The following BSG variants were observed in gnomAD, a reference collection of about 807,000 sequenced individuals.
BSG encodes basigin (Ok blood group).
BSG carries 37 observed loss-of-function variants against 43.1 expected under a neutral mutation model. That is an observed-to-expected ratio of 0.86 (90% CI 0.66 to 1.13). BSG has a LOEUF of 1.13. Among genes scored for constraint, BSG ranks in the 50% most tolerant of loss-of-function variants. The probability of loss-of-function intolerance (pLI) is 0.00; values close to 1 mark genes in which losing one functional copy is unlikely to be tolerated. For missense variants in BSG, 599 were observed against 554.2 expected (o/e 1.08, Z -0.81); for synonymous variants, 309 against 238.7 (o/e 1.29, Z -2.72).
At chr19:572,996 G>C (rs932950195) in intron 1 of BSG, among the ~76,000 whole-genome samples, 1 of 152,172 alleles carries the variant, frequency 6.6e-6, no homozygotes, top group Non-Finnish European at 1.5e-5. Context: ...GCGGGAGCCA[G>C]GGGGTCCTGG....
At chr19:581,671 C>T in intron 6 of BSG, 80 bp downstream of exon 6, 1 of 1,455,518 alleles carries the variant, frequency 6.9e-7, no homozygotes, top group Non-Finnish European at 9.1e-7. Flanking sequence ...CTGCCAGCCC[C>T]ACCGCTGACC....
chr19:582,817 A>G lies in BSG; in HGVS notation c.*73A>G. ...GGAGTCCACTCCCAGTGCTTGCAAGATTCCAAGTTCTCACCTCTTAAAGAA... is the reference window on the plus strand; with the variant it reads ...GGAGTCCACTCCCAGTGCTTGCAAGGTTCCAAGTTCTCACCTCTTAAAGAA... On this transcript the variant is annotated 3_prime_UTR_variant, in exon 9 of 9. Transcript: ENST00000333511. 3.5e-6 allele frequency: 2 copies of G among 574,574 alleles called. No homozygotes were observed. Among genetic ancestry groups the G allele is most frequent in the South Asian group, 4.4e-5 (2 of 45,888 alleles). The allele number at this position is 574,574 out of a possible 1,614,324, so 35.6% of individuals were successfully genotyped here.
intron 1 of BSG, among the ~76,000 whole-genome samples, chr19:576,906 C>T (rs763306713): frequency 2.0e-5 from 3 of 152,182 alleles, no homozygotes; most frequent in African/African-American, 4.8e-5. Flanking sequence ...GCCTCGGAGC[C>T]GTGTGCACGC....
At chr19:571,892 G>A (rs1463709071), upstream of BSG, 3 of 418,088 alleles carry the variant, frequency 7.2e-6, no homozygotes, top group East Asian at 9.0e-5. Context: ...AGAAGAAGGG[G>A]GTAAGGTTGA....
chr19:572,699 C>T lies in BSG; in HGVS notation c.65C>T (p.Ala22Val). The change falls in exon 1 of 9, where the codon GCT becomes GTT. Residue 22 changes from alanine to valine, a missense_variant and splice_region_variant. Ala to Val is a moderately conservative substitution (Grantham distance 64). Coordinates refer to ENST00000333511, the MANE Select transcript of BSG (RefSeq NM_001728.4). ...CTGGGCACCCACGGAGCCTCCGGGG[C>T]TGGTGAGGAGCGGGTAGGGGGCGGG... is the stretch of plus-strand genomic sequence containing the variant. ...ALLGTHGASG[A>V]AGFVQAPLSQ... 1.4e-6 allele frequency: 2 copies of T among 1,481,022 alleles called. No individual in the cohort carries two copies. Among genetic ancestry groups the T allele is most frequent in the Non-Finnish European group, 1.8e-6 (2 of 1,110,196 alleles). The allele number at this position is 1,481,022 out of a possible 1,614,324, so 91.7% of individuals were successfully genotyped here. A position where few individuals can be genotyped will look rare whatever the true frequency, so the allele number is the denominator to read the frequency against.
At chr19:572,363 T>A, upstream of BSG, 1 of 1,081,910 alleles carries the variant, frequency 9.2e-7, no homozygotes, top group Non-Finnish European at 1.1e-6. Flanking sequence ...TCCAGCCGCG[T>A]CCCCGCAGGC....
At chr19:578,207 A>G in intron 2 of BSG, 86 bp downstream of exon 2, 1 of 1,293,296 alleles carries the variant, frequency 7.7e-7, no homozygotes, top group Non-Finnish European at 1.0e-6. Context: ...TAGAACCCAG[A>G]CGCCTCCTCC....
Position 579,506 on chromosome 19 carries a change from C to G in BSG, c.422C>G (p.Thr141Arg). The G allele has an allele frequency of 6.2e-7, 1 of 1,612,674 alleles. No individual in the cohort carries two copies. The highest frequency in any genetic ancestry group is 2.2e-5 in the East Asian group (1 of 44,880). Reference sequence around the variant, plus strand: ...GTCTCGCCGGGCCTTGCAGCCGGCACAGTCTTCACTACCGTAGAAGACCTT... The same window carrying G: ...GTCTCGCCGGGCCTTGCAGCCGGCAGAGTCTTCACTACCGTAGAAGACCTT... ...QAVVLVLEPG[T>R]VFTTVEDLGS... Residue 141 changes from threonine to arginine, a missense_variant, in exon 3 of 9, where the codon ACA becomes AGA. Coordinates refer to ENST00000333511, the MANE Select transcript of BSG (RefSeq NM_001728.4).
At chr19:578,146 C>T (rs1383021793) in intron 2 of BSG, 25 bp downstream of exon 2, 18 of 1,506,598 alleles carry the variant, frequency 1.2e-5, no homozygotes, top group Admixed American at 2.1e-5. Context: ...CCTCCCTCCC[C>T]GCCTCCCTCA....
rs147298343 is a variant in BSG, at chr19:576,552, G to C, written c.68-1222G>C. On this transcript the variant is annotated intron_variant, in intron 1 of 8. Transcript: ENST00000333511. ...CCAAGAGGGTGGATCACGAGGTCAG[G>C]GGTTCAATACCAGCCTGGCCAAAAT... Among the ~76,000 whole-genome samples, 666 of 152,300 alleles carry C rather than the reference G, an allele frequency of 4.4e-3. 2 individuals carry two copies. Among genetic ancestry groups the C allele is most frequent in the African/African-American group, 0.014 (588 of 41,554 alleles).
At position 582,563 on chromosome 19, in the gene BSG, A is replaced by G; in HGVS notation, c.1144A>G (p.Arg382Gly). The change falls in exon 8 of 9, where the codon AGG becomes GGG. Residue 382 changes from arginine to glycine, a missense_variant. Coordinates refer to ENST00000333511, the MANE Select transcript of BSG (RefSeq NM_001728.4). ...TGACAAAGGCAAGAACGTCCGCCAG[A>G]GGAACTCTTCCTGAGGCAGGTGCGG... ...QNDKGKNVRQ[R>G]NSS is the part of the protein sequence containing the mutation. 6.8e-7 allele frequency: 1 copy of G among 1,473,304 alleles called. No individual in the cohort carries two copies. Among genetic ancestry groups the G allele is most frequent in the Non-Finnish European group, 9.1e-7 (1 of 1,096,386 alleles). 91.3% of individuals were successfully genotyped at this position (1,473,304 alleles called of 1,614,324 possible).
At chr19:577,499 G>T (rs1981878372) in intron 1 of BSG, among the ~76,000 whole-genome samples, 1 of 152,202 alleles carries the variant, frequency 6.6e-6, no homozygotes, top group South Asian at 2.1e-4. Context: ...CTTCTGCCCA[G>T]TTTCATGTGT....
Position 577,834 on chromosome 19 carries a change from A to G in BSG, c.128A>G (p.His43Arg). 1 of 1,506,856 alleles carries G rather than the reference A, an allele frequency of 6.6e-7. No individual in the cohort carries two copies. The highest frequency in any genetic ancestry group is 8.9e-7 in the Non-Finnish European group (1 of 1,119,764). 93.3% of individuals were successfully genotyped at this position (1,506,856 alleles called of 1,614,324 possible). A position where few individuals can be genotyped will look rare whatever the true frequency, so the allele number is the denominator to read the frequency against. The change falls in exon 2 of 9, where the codon CAC becomes CGC. Residue 43 changes from histidine (H) to arginine (R), a missense_variant. Coordinates refer to ENST00000333511, the MANE Select transcript of BSG (RefSeq NM_001728.4). ...TGGGTGGGGGGCAGTGTGGAGCTGC[A>G]CTGCGAGGCCGTGGGCAGCCCGGTG... is the stretch of plus-strand genomic sequence containing the variant. ...QRWVGGSVELHCEAVGSPVPE... is the reference protein window; with the variant it reads ...QRWVGGSVELRCEAVGSPVPE...
At chr19:574,383 C>T (rs1218965768) in intron 1 of BSG, among the ~76,000 whole-genome samples, 3 of 152,064 alleles carry the variant, frequency 2.0e-5, no homozygotes, top group Admixed American at 6.6e-5. Flanking sequence ...GAAACCCCGT[C>T]TCTACTAAAA....
At chr19:582,225 C>A in intron 6 of BSG, 81 bp from the exon 7 acceptor site, 1 of 1,573,466 alleles carries the variant, frequency 6.4e-7, no homozygotes, top group Non-Finnish European at 8.6e-7. Context: ...AGCACAGATG[C>A]CCCTGCTCGG....
At chr19:578,330 A>AG in intron 2 of BSG, 1 of 475,486 alleles carries the variant, frequency 2.1e-6, no homozygotes, top group Non-Finnish European at 3.6e-6. Context: ...GGCTCGGGGC[A>AG]GGCAGGGCTC....
At position 578,425 on chromosome 19, in the gene BSG, G is replaced by A. The variant is rs560808777; in HGVS notation, c.415+304G>A. ...TTTCTGCTTCCCCGGGCGCCTGCCC[G>A]GCTCCCTCCCTGAGCGTCCATACTG... On this transcript the variant is annotated intron_variant, in intron 2 of 8. Coordinates refer to ENST00000333511, the MANE Select transcript of BSG (RefSeq NM_001728.4). 7.0e-4 allele frequency among the ~76,000 whole-genome samples: 106 copies of A among 152,352 alleles called. 1 individual carries two copies. The highest frequency in any genetic ancestry group is 2.4e-3 in the African/African-American group (98 of 41,574).
rs1327988818 is a variant in BSG at position 581,539 on chromosome 19, C to T, written c.1017C>T (p.Val339=). 3 of 1,598,436 alleles carry T rather than the reference C, an allele frequency of 1.9e-6. No homozygotes were observed. The highest frequency in any genetic ancestry group is 2.3e-5 in the East Asian group (1 of 43,988). ...LGIVAEVLVL[V]TIIFIYEKRR... ...TCGTGGCTGAGGTGCTGGTGCTGGT[C>T]ACCATCATCTTCATCTACGAGAAGC... The change falls in exon 6 of 9, where the codon GTC becomes GTT. Residue 339 remains valine (V), a synonymous_variant. Coordinates refer to ENST00000333511, the MANE Select transcript of BSG (RefSeq NM_001728.4).
intron 2 of BSG, chr19:579,035 C>T (rs2283572): frequency 0.25 from 115,374 of 456,528 alleles, 15,762 homozygotes; most frequent in East Asian, 0.46. Flanking sequence ...CGGCCACCAC[C>T]GCGCCCAGCT....
Sources: gnomAD v4.1 joint callset for allele counts (sites outside exome capture counted in the v4.1 genomes callset) on GRCh38, gnomAD v4.1.1 for gene constraint, MANE v1.5 for transcripts, NCBI Gene and HGNC (gene_info 2026-07-23, HGNC 2026-07-21) for gene names.